The following ARHGAP12 variants were observed in gnomAD, a reference collection of about 807,000 sequenced individuals.
The protein encoded by ARHGAP12 is Rho GTPase activating protein 12.
A neutral mutation model predicts 108.6 loss-of-function variants in ARHGAP12; 64 were observed. The ratio of observed to expected loss-of-function variants is 0.59; its 90% CI spans 0.48 to 0.73. The LOEUF is 0.73. Among genes scored for constraint, ARHGAP12 ranks in the 30% least tolerant of loss-of-function variants. The probability of loss-of-function intolerance (pLI) is 0.00; values close to 1 mark genes in which losing one functional copy is unlikely to be tolerated. For synonymous variants in ARHGAP12, 312 were observed against 337.2 expected (o/e 0.93, Z 0.82); for missense variants, 940 against 1,005.9 (o/e 0.93, Z 0.89).
intron 3 of ARHGAP12, among the ~76,000 whole-genome samples, chr10:31,881,522 T>C (rs1185816695): frequency 2.0e-5 from 3 of 152,230 alleles, no homozygotes; most frequent in African/African-American, 4.8e-5. Flanking sequence ...TTTATTGCAA[T>C]GAAATTTCCT....
At chr10:31,870,074 A>G (rs1837481164) in intron 3 of ARHGAP12, among the ~76,000 whole-genome samples, 1 of 152,176 alleles carries the variant, frequency 6.6e-6, no homozygotes, top group African/African-American at 2.4e-5. Context: ...TATGGAAAAA[A>G]ACATTTACCA....
At chr10:31,866,538 C>A (rs1837329822) in intron 3 of ARHGAP12, among the ~76,000 whole-genome samples, 1 of 151,358 alleles carries the variant, frequency 6.6e-6, no homozygotes, top group Non-Finnish European at 1.5e-5. Flanking sequence ...GTGAACAGGA[C>A]AAACACTGGG....
chr10:31,879,591 C>T (rs1171389638), intron 3 of ARHGAP12, among the ~76,000 whole-genome samples: 1 of 152,134 alleles, frequency 6.6e-6, no homozygotes, highest in African/African-American at 2.4e-5. Context: ...ACTTAATCTT[C>T]CCCAAATATT....
chr10:31,895,234 C>A (rs1366435676), intron 3 of ARHGAP12, among the ~76,000 whole-genome samples: 2 of 152,222 alleles, frequency 1.3e-5, no homozygotes, highest in East Asian at 3.9e-4. Context: ...GCAACAGAAG[C>A]CAAAATTGAC....
At chr10:31,839,750 ATATAAT>A in intron 7 of ARHGAP12, 39 bp from the exon 8 acceptor site, 2 of 1,486,164 alleles carry the variant, frequency 1.3e-6, no homozygotes, top group Non-Finnish European at 1.8e-6. Flanking sequence ...ACTCTATTTT[ATATAAT>A]TATATTTCTG....
intron 3 of ARHGAP12, among the ~76,000 whole-genome samples, chr10:31,886,625 T>G (rs2799033): frequency 0.2 from 30,261 of 152,122 alleles, 3,338 homozygotes; most frequent in East Asian, 0.39. Context: ...TATACTCCAA[T>G]GTACAGTAAA....
chr10:31,846,564 ATAAGGCACTC>A (rs1836465833), intron 6 of ARHGAP12, among the ~76,000 whole-genome samples: 1 of 152,188 alleles, frequency 6.6e-6, no homozygotes, highest in Admixed American at 6.5e-5. Context: ...ATGGCTTCTG[ATAAGGCACTC>A]ACTTCATTCA....
chr10:31,880,301 T>C (rs1034721261), intron 3 of ARHGAP12, among the ~76,000 whole-genome samples: 3 of 152,142 alleles, frequency 2.0e-5, no homozygotes, highest in Non-Finnish European at 4.4e-5. Context: ...CTAGTTCAAG[T>C]TGGGTATTCA....
At position 31,924,768 on chromosome 10, in the gene ARHGAP12, A is replaced by C. The variant is rs555348152; in HGVS notation, c.-111+3915T>G. Among the ~76,000 whole-genome samples the C allele has an allele frequency of 1.8e-4, 28 of 152,260 alleles. No homozygotes were observed. In the East Asian group the frequency reaches 3.9e-3, roughly 21 times the overall value. On this transcript the variant is annotated intron_variant, in intron 1 of 19. Transcript: ENST00000344936. Reference sequence around the variant, plus strand: ...CACAGAACTTGGAGTCAGAGGTCTAAATTTTAAATCTAGGCTTTACCATTT... The same window carrying C: ...CACAGAACTTGGAGTCAGAGGTCTACATTTTAAATCTAGGCTTTACCATTT...
At chr10:31,880,421 C>T (rs1363686891) in intron 3 of ARHGAP12, among the ~76,000 whole-genome samples, 2 of 151,922 alleles carry the variant, frequency 1.3e-5, no homozygotes, top group African/African-American at 4.8e-5. Flanking sequence ...CCAGGCTAGA[C>T]AACACAGTGA....
At chr10:31,916,483 C>T (rs1450387477) in intron 1 of ARHGAP12, among the ~76,000 whole-genome samples, 1 of 152,120 alleles carries the variant, frequency 6.6e-6, no homozygotes, top group Non-Finnish European at 1.5e-5. Context: ...ATTTAAACTA[C>T]CAAGAAGCCT....
chr10:31,827,474 T>G (rs1039769854), intron 10 of ARHGAP12, among the ~76,000 whole-genome samples: 4 of 152,150 alleles, frequency 2.6e-5, no homozygotes, highest in African/African-American at 9.7e-5. Context: ...GCTATCCTTA[T>G]AGCCAAACAT....
intron 3 of ARHGAP12, among the ~76,000 whole-genome samples, chr10:31,883,256 T>C (rs1350015467): frequency 1.3e-5 from 2 of 151,722 alleles, no homozygotes; most frequent in African/African-American, 2.4e-5. Context: ...GATTGCGCCA[T>C]TGCACTCCAG....
chr10:31,859,951 C>T (rs1431479043), intron 4 of ARHGAP12, among the ~76,000 whole-genome samples: 3 of 151,910 alleles, frequency 2.0e-5, no homozygotes, highest in African/African-American at 7.3e-5. Context: ...CCCGCCACCA[C>T]GCCCGGCTAA....
At chr10:31,808,853 T>C in intron 18 of ARHGAP12, 102 bp from the exon 19 acceptor site, 1 of 1,366,622 alleles carries the variant, frequency 7.3e-7, no homozygotes, top group Non-Finnish European at 1.0e-6. Context: ...CAGTGACATC[T>C]GGTGGTCACA....
chr10:31,927,775 G>A (rs1840110283), intron 1 of ARHGAP12, among the ~76,000 whole-genome samples: 1 of 152,188 alleles, frequency 6.6e-6, no homozygotes, highest in Admixed American at 6.5e-5. Context: ...TGAAGGGCGT[G>A]CCTTTTTCTC....
In ARHGAP12 at chr10:31,895,073, C is replaced by A. The variant is rs574587486; in HGVS notation, c.684+13099G>T. Among the ~76,000 whole-genome samples the A allele has an allele frequency of 2.6e-5, 4 of 152,296 alleles. No homozygotes were observed. The South Asian group carries it at 8.3e-4, about 32-fold the overall frequency. ...GTAGAAAGCTGAAACTGGATCCCTT[C>A]CTTATACCTTACACAAAAATTAATT... On this transcript the variant is annotated intron_variant, in intron 3 of 19. Transcript: ENST00000344936.
In ARHGAP12 at chr10:31,874,430, A is replaced by G. The variant is rs536481422; in HGVS notation, c.685-12772T>C. ...CAATTCATTAACAAGTATGCATGAG[A>G]AAGTCATAGCACAGCTACTTGGGTA... is the stretch of plus-strand genomic sequence containing the variant. On this transcript the variant is annotated intron_variant, in intron 3 of 19. Transcript: ENST00000344936. Among the ~76,000 whole-genome samples, 13 of 152,334 alleles carry G rather than the reference A, an allele frequency of 8.5e-5. No homozygotes were observed. In the East Asian group the frequency reaches 2.1e-3, roughly 25 times the overall value.
chr10:31,811,319 G>A (rs988345433), intron 15 of ARHGAP12, among the ~76,000 whole-genome samples: 6 of 152,114 alleles, frequency 3.9e-5, no homozygotes, highest in Non-Finnish European at 7.4e-5. Flanking sequence ...GCATATGTCC[G>A]TCCATCACGT....
Sources: gnomAD v4.1 joint callset for allele counts (sites outside exome capture counted in the v4.1 genomes callset) on GRCh38, gnomAD v4.1.1 for gene constraint, MANE v1.5 for transcripts, NCBI Gene and HGNC (gene_info 2026-07-23, HGNC 2026-07-21) for gene names.